The following CLDN16 variants were observed in gnomAD, a reference collection of about 807,000 sequenced individuals.
CLDN16 encodes claudin 16.
CLDN16 carries 13 observed loss-of-function variants against 24.6 expected under a neutral mutation model. The ratio of observed to expected loss-of-function variants is 0.53; its 90% CI spans 0.34 to 0.84. CLDN16 has a LOEUF of 0.84. Among genes scored for constraint, CLDN16 ranks in the 40% least tolerant of loss-of-function variants. The pLI, the probability that CLDN16 is intolerant of heterozygous loss-of-function variation, is 0.01. For synonymous variants in CLDN16, 116 were observed against 106.7 expected, an observed-to-expected ratio of 1.09 and a Z score of -0.54; for missense variants, 298 against 292.7, an observed-to-expected ratio of 1.02 and a Z score of -0.13.
chr3:190,320,271 A>G (rs991320857), upstream of CLDN16, among the ~76,000 whole-genome samples: 2 of 152,246 alleles, frequency 1.3e-5, no homozygotes, highest in African/African-American at 4.8e-5. Context: ...GATGTTGAAA[A>G]GGAACTATTT....
chr3:190,332,298 CA>C (rs1717197247), intron 1 of CLDN16, among the ~76,000 whole-genome samples: 1 of 151,870 alleles, frequency 6.6e-6, no homozygotes, highest in Non-Finnish European at 1.5e-5. Flanking sequence ...CTGAATTTAA[CA>C]AAAGTTCTGA....
the CLDN16 span, among the ~76,000 whole-genome samples, chr3:190,304,271 A>G: frequency 7.0e-6 from 1 of 143,276 alleles, no homozygotes; most frequent in Non-Finnish European, 1.6e-5. Context: ...CACCTGGCTC[A>G]TCAGTGGCAG....
At position 190,324,586 on chromosome 3, in the gene CLDN16, A is replaced by G. The variant is rs139659553; in HGVS notation, n.121+1925A>G. 1.2e-3 allele frequency among the ~76,000 whole-genome samples: 177 copies of G among 152,316 alleles called. 1 individual carries two copies. Among genetic ancestry groups the G allele is most frequent in the Admixed American group, 1.9e-3 (29 of 15,304 alleles). ...TTACTCTGCATTACAACTGGTTTCT[A>G]TCAACCTACAATTAGCGGGGAATCG... On this transcript the variant is annotated intron_variant and non_coding_transcript_variant, in intron 1 of 4. Transcript: ENST00000468220.
intron 1 of CLDN16, 115 bp from the exon 2 acceptor site, chr3:190,402,222 A>T: frequency 1.3e-6 from 1 of 798,454 alleles, no homozygotes; most frequent in Non-Finnish European, 2.3e-6. Flanking sequence ...TTCTGATCAC[A>T]TGTGTAACCA....
At chr3:190,330,956 A>G (rs1211545467) in intron 1 of CLDN16, among the ~76,000 whole-genome samples, 3 of 152,190 alleles carry the variant, frequency 2.0e-5, no homozygotes, top group Non-Finnish European at 4.4e-5. Flanking sequence ...ACAACTGCTT[A>G]TTCTATGACA....
chr3:190,386,753 C>T (rs1718508086), upstream of CLDN16, among the ~76,000 whole-genome samples: 1 of 152,224 alleles, frequency 6.6e-6, no homozygotes, highest in African/African-American at 2.4e-5. Flanking sequence ...AATAATTAAG[C>T]TTATATTCCA....
Position 190,410,616 on chromosome 3 carries a change from A to G in CLDN16, c.*580A>G. 1 of 152,916 alleles carries G rather than the reference A, an allele frequency of 6.5e-6. No homozygotes were observed. Among genetic ancestry groups the G allele is most frequent in the Non-Finnish European group, 1.5e-5 (1 of 68,560 alleles). The allele number at this position is 152,916 out of a possible 1,614,324, so 9.5% of individuals were successfully genotyped here. ...CAGCCACTGGTGAGAGTTAAAGACA[A>G]GAGCTGCCCCCCCACCCCCAAATGT... is the stretch of plus-strand genomic sequence containing the variant. On this transcript the variant is annotated 3_prime_UTR_variant, in exon 5 of 5. Coordinates refer to ENST00000264734, the MANE Select transcript of CLDN16 (RefSeq NM_006580.4).
At chr3:190,378,796 A>G (rs796794561) in intron 3 of CLDN16, among the ~76,000 whole-genome samples, 5 of 152,100 alleles carry the variant, frequency 3.3e-5, no homozygotes, top group African/African-American at 1.2e-4. Context: ...CCTGTGTTCT[A>G]CTTTGCTTGT....
At chr3:190,400,015 A>C (rs1483656789) in intron 1 of CLDN16, among the ~76,000 whole-genome samples, 1 of 152,192 alleles carries the variant, frequency 6.6e-6, no homozygotes, top group Non-Finnish European at 1.5e-5. Flanking sequence ...AGTTTCATCC[A>C]AAAGCATCCC....
At position 190,350,948 on chromosome 3, in the gene CLDN16, G is replaced by A. The variant is rs552532041; in HGVS notation, n.122-19945G>A. The stretch of plus-strand genomic sequence containing the variant: ...TGATATGGTTTGGAGGTGTGTCTCC[G>A]CCAAATTTCATGTTGAAATATGACC... On this transcript the variant is annotated intron_variant and non_coding_transcript_variant, in intron 1 of 4. Coordinates refer to the CLDN16 transcript ENST00000468220. Among the ~76,000 whole-genome samples the A allele has an allele frequency of 3.3e-5, 5 of 152,130 alleles. No homozygotes were observed. The South Asian group carries it at 6.2e-4, about 19-fold the overall frequency.
At chr3:190,355,352 A>G (rs2108637897) in intron 1 of CLDN16, among the ~76,000 whole-genome samples, 1 of 152,008 alleles carries the variant, frequency 6.6e-6, no homozygotes, top group Admixed American at 6.6e-5. Context: ...ACCTTAGCCA[A>G]ATACTTAAAA....
the CLDN16 span, among the ~76,000 whole-genome samples, chr3:190,304,354 G>A: frequency 6.6e-6 from 1 of 152,098 alleles, no homozygotes; most frequent in African/African-American, 2.4e-5. Context: ...CCAGGACAAG[G>A]TCTTACTCAT....
At chr3:190,354,437 T>G (rs1717726392) in intron 1 of CLDN16, among the ~76,000 whole-genome samples, 1 of 151,890 alleles carries the variant, frequency 6.6e-6, no homozygotes, top group African/African-American at 2.4e-5. Context: ...TTTAATTACT[T>G]TATATAAAAA....
At chr3:190,372,474 T>TC (rs200009452) in intron 2 of CLDN16, among the ~76,000 whole-genome samples, 5,577 of 151,088 alleles carry the variant, frequency 0.037, 149 homozygotes, top group East Asian at 0.06. Flanking sequence ...GAGACCCCCT[T>TC]CCCCCCCAAA....
chr3:190,383,992 T>C (rs776149085), upstream of CLDN16, among the ~76,000 whole-genome samples: 2 of 152,174 alleles, frequency 1.3e-5, no homozygotes, highest in Non-Finnish European at 2.9e-5. Context: ...TAATTCTCAT[T>C]TTATTGACAA....
chr3:190,290,925 C>T, the CLDN16 span, among the ~76,000 whole-genome samples: 2 of 151,860 alleles, frequency 1.3e-5, no homozygotes, highest in African/African-American at 4.8e-5. Context: ...GCATGTAAGC[C>T]AATAACTGTC....
intron 1 of CLDN16, among the ~76,000 whole-genome samples, chr3:190,370,142 G>A (rs188128700): frequency 2.0e-4 from 30 of 152,026 alleles, no homozygotes; most frequent in African/African-American, 7.0e-4. Flanking sequence ...TTTCTGGAAC[G>A]TTGAAAGGGT....
intron 3 of CLDN16, among the ~76,000 whole-genome samples, chr3:190,379,247 C>G (rs1250993905): frequency 6.6e-6 from 1 of 152,018 alleles, no homozygotes; most frequent in African/African-American, 2.4e-5. Flanking sequence ...GTCCATTTTT[C>G]TATTAAAATG....
At chr3:190,332,076 CAT>C (rs1240895651) in intron 1 of CLDN16, among the ~76,000 whole-genome samples, 4 of 152,174 alleles carry the variant, frequency 2.6e-5, no homozygotes, top group African/African-American at 9.7e-5. Context: ...AAGATAATCA[CAT>C]CTCAAGATCA....
Sources: allele counts gnomAD v4.1 joint callset (sites outside exome capture counted in the v4.1 genomes callset), GRCh38; gene constraint gnomAD v4.1.1; transcripts MANE v1.5; gene names NCBI Gene and HGNC (gene_info 2026-07-23, HGNC 2026-07-21).